The following PPFIA2 variants were observed in gnomAD, a reference collection of about 807,000 sequenced individuals.
The protein encoded by PPFIA2 is liprin-alpha-2.
PPFIA2 carries 46 observed loss-of-function variants against 175.5 expected under a neutral mutation model. The ratio of observed to expected loss-of-function variants is 0.26; its 90% confidence interval spans 0.21 to 0.34. The LOEUF (loss-of-function observed/expected upper bound fraction) is 0.34. PPFIA2 is among the 10% of genes least tolerant of loss of function. The probability of loss-of-function intolerance (pLI) is 1.00; values close to 1 mark genes in which losing one functional copy is unlikely to be tolerated. For synonymous variants in PPFIA2, 568 were observed against 511.4 expected (o/e 1.11, Z -1.49); for missense variants, 1,179 against 1,506.1 (o/e 0.78, Z 3.60).
intron 25 of PPFIA2, among the ~76,000 whole-genome samples, chr12:81,283,804 G>T (rs966570355): frequency 6.6e-6 from 1 of 151,804 alleles, no homozygotes; most frequent in African/African-American, 2.4e-5. Context: ...GTTTTTTGGG[G>T]GTTTTTTTGG....
intron 4 of PPFIA2, among the ~76,000 whole-genome samples, chr12:81,522,796 A>G (rs1447717790): frequency 6.6e-6 from 1 of 152,182 alleles, no homozygotes; most frequent in Non-Finnish European, 1.5e-5. Flanking sequence ...CAAAAACTTT[A>G]TTTAGAGTGC....
At chr12:81,609,363 T>C (rs573156807) in intron 4 of PPFIA2, among the ~76,000 whole-genome samples, 1 of 152,208 alleles carries the variant, frequency 6.6e-6, no homozygotes, top group African/African-American at 2.4e-5. Flanking sequence ...TCTAAGGCTG[T>C]CAGTGGGGCG....
intron 28 of PPFIA2, chr12:81,270,809 G>A (rs2038873513): frequency 6.6e-6 from 1 of 152,110 alleles, no homozygotes; most frequent in Non-Finnish European, 1.5e-5. Flanking sequence ...GTTTTAATCA[G>A]TAACACCCAT....
chr12:81,419,035 C>T (rs1387871078), intron 7 of PPFIA2, among the ~76,000 whole-genome samples: 1 of 151,862 alleles, frequency 6.6e-6, no homozygotes, highest in Non-Finnish European at 1.5e-5. Flanking sequence ...ATTTATTTCA[C>T]CGAATTTATC....
intron 4 of PPFIA2, among the ~76,000 whole-genome samples, chr12:81,657,770 G>C (rs1233379175): frequency 6.6e-6 from 1 of 151,974 alleles, no homozygotes; most frequent in East Asian, 1.9e-4. Flanking sequence ...AAAGATCCTT[G>C]ATTTATTCCC....
chr12:81,326,663 A>G (rs1315641168), intron 21 of PPFIA2, among the ~76,000 whole-genome samples: 1 of 152,136 alleles, frequency 6.6e-6, no homozygotes, highest in African/African-American at 2.4e-5. Context: ...CATTAAACAC[A>G]TATCACAGGA....
intron 3 of PPFIA2, among the ~76,000 whole-genome samples, chr12:81,700,906 T>C (rs2076406875): frequency 6.6e-6 from 1 of 152,124 alleles, no homozygotes; most frequent in Non-Finnish European, 1.5e-5. Context: ...AAATTTCTTT[T>C]ATTTATATAC....
At chr12:81,648,507 G>A (rs1356728286) in intron 4 of PPFIA2, among the ~76,000 whole-genome samples, 1 of 151,700 alleles carries the variant, frequency 6.6e-6, no homozygotes, top group Non-Finnish European at 1.5e-5. Flanking sequence ...CTAAATAAAT[G>A]AGAGGATATT....
At position 81,437,684 on chromosome 12, in the gene PPFIA2, T is replaced by C. The variant is rs188356575; in HGVS notation, c.645+2288A>G. 2.8e-3 allele frequency among the ~76,000 whole-genome samples: 432 copies of C among 152,322 alleles called. 3 individuals are homozygous for C. Among genetic ancestry groups the C allele is most frequent in the African/African-American group, 1.0e-2 (415 of 41,576 alleles). On this transcript the variant is annotated intron_variant, in intron 7 of 32. Coordinates refer to ENST00000549396, the MANE Select transcript of PPFIA2 (RefSeq NM_003625.5). ...TGTTTGTTTGCCCTTATCAATAAAA[T>C]ATTTTGAGAAATGCATCCAAAATGA...
chr12:81,692,470 T>A (rs2075369847), intron 3 of PPFIA2, among the ~76,000 whole-genome samples: 1 of 152,068 alleles, frequency 6.6e-6, no homozygotes, highest in Admixed American at 6.6e-5. Context: ...AATTTTAGAG[T>A]CAATATTCAT....
At chr12:81,563,696 T>C (rs2070682415) in intron 4 of PPFIA2, among the ~76,000 whole-genome samples, 1 of 152,218 alleles carries the variant, frequency 6.6e-6, no homozygotes. Flanking sequence ...ACTGCTTTAC[T>C]CTAAATATAA....
chr12:81,432,356 T>C (rs146866170), intron 7 of PPFIA2, among the ~76,000 whole-genome samples: 53 of 152,054 alleles, frequency 3.5e-4, no homozygotes, highest in African/African-American at 1.2e-3. Context: ...CCTGCCTCAG[T>C]GTAACGAGTA....
At chr12:81,600,904 T>A (rs2059723376) in intron 4 of PPFIA2, among the ~76,000 whole-genome samples, 1 of 151,978 alleles carries the variant, frequency 6.6e-6, no homozygotes, top group Admixed American at 6.6e-5. Context: ...GTAAACTGGG[T>A]CTAACACAAT....
chr12:81,475,647 T>C (rs2057374339), intron 4 of PPFIA2, among the ~76,000 whole-genome samples: 1 of 152,192 alleles, frequency 6.6e-6, no homozygotes, highest in South Asian at 2.1e-4. Context: ...ATTTTCCTTC[T>C]GCTAGGCACT....
rs1308500971 is a variant in PPFIA2, at chr12:81,341,130, C to T, written c.2341G>A (p.Ala781Thr). 1 of 1,611,298 alleles carries T rather than the reference C, an allele frequency of 6.2e-7. No individual in the cohort carries two copies. The highest frequency in any genetic ancestry group is 2.2e-5 in the East Asian group (1 of 44,808). ...CETSPPPTPRALRMTHTLPSS... is the reference protein window; with the variant it reads ...CETSPPPTPRTLRMTHTLPSS... ...GGGAGAGTGTGAGTCATTCTGAGGG[C>T]TCTAGGGGTAGGAGGAGGAGAAGTT... is the stretch of plus-strand genomic sequence containing the variant. Residue 781 changes from alanine to threonine, a missense_variant, in exon 20 of 33, where the codon GCC becomes ACC. Transcript: ENST00000549396.
At chr12:81,662,201 G>A (rs950186294) in intron 4 of PPFIA2, among the ~76,000 whole-genome samples, 2 of 152,062 alleles carry the variant, frequency 1.3e-5, no homozygotes, top group Admixed American at 6.5e-5. Flanking sequence ...ACTAAGATAA[G>A]AGCAGAACTG....
At position 81,265,018 on chromosome 12, in the gene PPFIA2, C is replaced by T. The variant is rs979413318; in HGVS notation, c.3556-1628G>A. 6.7e-5 allele frequency among the ~76,000 whole-genome samples: 10 copies of T among 150,036 alleles called. No individual in the cohort carries two copies. In the East Asian group the frequency reaches 1.4e-3, roughly 20 times the overall value. ...TAAAAATAAGCCAGTTTTGGCTGGG[C>T]GTGGTGGCTCACGCCTGTAATCCCA... On this transcript the variant is annotated intron_variant, in intron 30 of 32. Coordinates refer to ENST00000549396, the MANE Select transcript of PPFIA2 (RefSeq NM_003625.5).
rs7304424 is a variant in PPFIA2 at position 81,533,764 on chromosome 12, T to C, written c.304-75898A>G. On this transcript the variant is annotated intron_variant, in intron 4 of 32. Transcript: ENST00000549396. ...ATATCTATCTATCTACATATATATA[T>C]ACACATTTGTGTATATACAAATGTG... Among the ~76,000 whole-genome samples, 1,050 of 151,268 alleles carry C rather than the reference T, an allele frequency of 6.9e-3. 9 individuals are homozygous for C. Among genetic ancestry groups the C allele is most frequent in the South Asian group, 0.031 (150 of 4,824 alleles).
At chr12:81,638,719 G>T (rs1223401515) in intron 4 of PPFIA2, among the ~76,000 whole-genome samples, 1 of 107,038 alleles carries the variant, frequency 9.3e-6, no homozygotes, top group Non-Finnish European at 1.7e-5. Flanking sequence ...ACGGAGTCTC[G>T]CTCTGTCGCC....
Sources: gnomAD v4.1 joint callset for allele counts (sites outside exome capture counted in the v4.1 genomes callset) on GRCh38, gnomAD v4.1.1 for gene constraint, MANE v1.5 for transcripts, NCBI Gene and HGNC (gene_info 2026-07-23, HGNC 2026-07-21) for gene names.